The following IRAG2 variants were observed in gnomAD, a reference collection of about 807,000 sequenced individuals.
The protein encoded by IRAG2 is lymphoid restricted membrane protein.
IRAG2 carries 45 observed loss-of-function variants against 69.9 expected under a neutral mutation model. The observed-to-expected ratio is 0.64, with a 90% CI of 0.51 to 0.83. The LOEUF is 0.83. Ranked by LOEUF, IRAG2 falls within the 40% of genes least tolerant of loss-of-function variation. IRAG2 has a pLI of 0.00. For synonymous variants in IRAG2, 193 were observed against 202.4 expected (o/e 0.95, Z 0.40); for missense variants, 520 against 587.0 (o/e 0.89, Z 1.18).
chr12:25,054,058 C>A (rs1945058095), intron 1 of IRAG2, among the ~76,000 whole-genome samples: 1 of 151,932 alleles, frequency 6.6e-6, no homozygotes, highest in African/African-American at 2.4e-5. Flanking sequence ...ATGGTGAAAC[C>A]CTGTCTCTAC....
At position 25,108,280 on chromosome 12, in the gene IRAG2, AATATTAT is replaced by A. The variant is rs1949362085; in HGVS notation, c.*226_*232del. The A allele has an allele frequency of 1.8e-6, 1 of 566,590 alleles. No homozygotes were observed. Among genetic ancestry groups the A allele is most frequent in the Admixed American group, 3.4e-5 (1 of 29,720 alleles). The allele number at this position is 566,590 out of a possible 1,614,324, so 35.1% of individuals were successfully genotyped here. A position where few individuals can be genotyped will look rare whatever the true frequency, so the allele number is the denominator to read the frequency against. ...CTTTGAATGAGCTTTTTAAGGAAGA[AATATTAT>A]ATATTGTTTGTTAAAGTTTATTGAA... On this transcript the variant is annotated 3_prime_UTR_variant, in exon 22 of 22. Transcript: ENST00000556887.
At chr12:25,061,740 T>C in intron 2 of IRAG2, 87 bp downstream of exon 2, 1 of 397,850 alleles carries the variant, frequency 2.5e-6, no homozygotes, top group Non-Finnish European at 4.4e-6. Flanking sequence ...TAACAGACAA[T>C]GACTTTAATC....
Position 25,108,035 on chromosome 12 carries a change from G to T in IRAG2, c.1475G>T (p.Arg492Leu). The T allele has an allele frequency of 1.2e-6, 2 of 1,613,928 alleles. No individual in the cohort carries two copies. The highest frequency in any genetic ancestry group is 1.1e-5 in the South Asian group (1 of 90,934). ...EHILWPFTRLRHNGPPPV is the reference protein window; with the variant it reads ...EHILWPFTRLLHNGPPPV ...ATCTTGTGGCCATTTACCAGACTCC[G>T]ACACAATGGGCCACCACCAGTGTGA... The change falls in exon 22 of 22, where the codon CGA (arginine) becomes CTA (leucine). Residue 492 changes from arginine (R) to leucine (L), a missense_variant. By Grantham distance (102) the Arg-to-Leu change is moderately radical. Transcript: ENST00000556887.
chr12:25,040,586 C>T (rs1363517577), intron 16 of IRAG2, among the ~76,000 whole-genome samples: 4 of 151,980 alleles, frequency 2.6e-5, no homozygotes, highest in African/African-American at 9.7e-5. Context: ...AGAGAGAATT[C>T]TGTTTAGATG....
chr12:25,053,408 A>C (rs564018418), intron 1 of IRAG2, among the ~76,000 whole-genome samples: 1 of 152,110 alleles, frequency 6.6e-6, no homozygotes. Context: ...CAAAATAATT[A>C]TGAATTCAGT....
chr12:25,049,098 G>T (rs1450006236), upstream of IRAG2, among the ~76,000 whole-genome samples: 2 of 152,112 alleles, frequency 1.3e-5, no homozygotes, highest in African/African-American at 2.4e-5. Flanking sequence ...TGTTCCATTG[G>T]TCTATGTATC....
At chr12:25,077,277 A>ATC (rs1565562885) in intron 6 of IRAG2, among the ~76,000 whole-genome samples, 22 of 21,716 alleles carry the variant, frequency 1.0e-3, no homozygotes, top group South Asian at 3.3e-3. Flanking sequence ...ATATATATGA[A>ATC]ATATATATGA....
intron 2 of IRAG2, among the ~76,000 whole-genome samples, chr12:25,010,897 C>T (rs747478087): frequency 1.6e-4 from 25 of 152,110 alleles, no homozygotes; most frequent in Non-Finnish European, 3.2e-4. Flanking sequence ...AAAATGCCTC[C>T]TCCACCCCCT....
chr12:25,103,813 T>G, intron 17 of IRAG2, 24 bp from the exon 18 acceptor site: 2 of 1,553,888 alleles, frequency 1.3e-6, no homozygotes, highest in Non-Finnish European at 1.8e-6. Context: ...GTTTTCTAAA[T>G]GTACATTTTC....
chr12:25,086,052 AT>A (rs1947580224), intron 10 of IRAG2, among the ~76,000 whole-genome samples: 1 of 152,232 alleles, frequency 6.6e-6, no homozygotes, highest in South Asian at 2.1e-4. Flanking sequence ...TCATAGTAGA[AT>A]CTTCTGAGAG....
the IRAG2 span, among the ~76,000 whole-genome samples, chr12:24,999,306 A>G: frequency 6.6e-6 from 1 of 152,170 alleles, no homozygotes; most frequent in African/African-American, 2.4e-5. Context: ...TAAGAATCAA[A>G]TCGGACTTGT....
intron 8 of IRAG2, among the ~76,000 whole-genome samples, chr12:25,026,016 A>G (rs1480254748): frequency 6.6e-6 from 1 of 152,200 alleles, no homozygotes; most frequent in Non-Finnish European, 1.5e-5. Context: ...TGTGTCAACT[A>G]CTTACCTCTG....
At chr12:25,019,797 G>A (rs2139833366) in intron 6 of IRAG2, among the ~76,000 whole-genome samples, 1 of 152,276 alleles carries the variant, frequency 6.6e-6, no homozygotes, top group East Asian at 1.9e-4. Context: ...TTATATCACT[G>A]TGACCTCCTT....
At chr12:25,027,892 T>C (rs1046746763) in intron 9 of IRAG2, among the ~76,000 whole-genome samples, 1 of 152,088 alleles carries the variant, frequency 6.6e-6, no homozygotes, top group Non-Finnish European at 1.5e-5. Context: ...GGAGTGAAAT[T>C]ACTGGGTCAC....
chr12:25,055,858 A>G, intron 1 of IRAG2, among the ~76,000 whole-genome samples: 2 of 152,312 alleles, frequency 1.3e-5, no homozygotes, highest in South Asian at 2.1e-4. Context: ...TATGTACAGA[A>G]ATCATGGACT....
chr12:25,085,333 G>A (rs113551595), intron 10 of IRAG2, among the ~76,000 whole-genome samples: 91 of 121,376 alleles, frequency 7.5e-4, no homozygotes, highest in African/African-American at 1.5e-3. Flanking sequence ...GGGGGATGGA[G>A]TGGGAAGGTG....
intron 13 of IRAG2, among the ~76,000 whole-genome samples, chr12:25,034,403 T>C (rs563984568): frequency 3.9e-5 from 6 of 152,232 alleles, no homozygotes; most frequent in Admixed American, 3.3e-4. Context: ...TTAATGACAT[T>C]GATTATTACA....
At chr12:25,090,013 G>T in intron 13 of IRAG2, 44 bp from the exon 14 acceptor site, 3 of 1,593,220 alleles carry the variant, frequency 1.9e-6, no homozygotes, top group Middle Eastern at 1.7e-4. Context: ...GACCACATCC[G>T]GTTTTCTCTC....
chr12:25,022,536 G>A (rs185345984), intron 7 of IRAG2, among the ~76,000 whole-genome samples: 148 of 152,146 alleles, frequency 9.7e-4, no homozygotes, highest in African/African-American at 1.1e-3. Context: ...TCCTAGATAC[G>A]GAATCCTAAT....
Sources: allele counts gnomAD v4.1 joint callset (sites outside exome capture counted in the v4.1 genomes callset), GRCh38; gene constraint gnomAD v4.1.1; transcripts MANE v1.5; gene names NCBI Gene and HGNC (gene_info 2026-07-23, HGNC 2026-07-21).